Variants in MIA2 observed in about 807,000 individuals in gnomAD.
MIA2 encodes the protein MIA SH3 domain ER export factor 2.
In MIA2, 127 loss-of-function variants were observed where a neutral mutation model predicts 167.8. That is an observed-to-expected ratio of 0.76 (90% CI 0.66 to 0.88). The LOEUF is 0.88. MIA2 is among the 40% of genes least tolerant of loss of function. The pLI is 0.00. For missense variants in MIA2, 1,690 were observed against 1,624.7 expected, an observed-to-expected ratio of 1.04 and a Z score of -0.69; for synonymous variants, 552 against 541.9, an observed-to-expected ratio of 1.02 and a Z score of -0.26.
chr14:39,296,949 G>A (rs2061510958), intron 13 of MIA2, among the ~76,000 whole-genome samples: 6 of 149,182 alleles, frequency 4.0e-5, no homozygotes, highest in Admixed American at 4.0e-4. Context: ...CTAATTTTTT[G>A]TATTTTTAAT....
chr14:39,363,071 A>G (rs2104531), intron 23 of MIA2, among the ~76,000 whole-genome samples: 47,237 of 151,990 alleles, frequency 0.31, 7,864 homozygotes, highest in East Asian at 0.51. Flanking sequence ...TTGTGTTCTG[A>G]TAAGATATTT....
At chr14:39,304,897 G>C (rs2063090129) in intron 17 of MIA2, among the ~76,000 whole-genome samples, 1 of 152,076 alleles carries the variant, frequency 6.6e-6, no homozygotes, top group Non-Finnish European at 1.5e-5. Flanking sequence ...TTTTCAAAAA[G>C]TAAACAAGTT....
At position 39,304,294 on chromosome 14, in the gene MIA2, A is replaced by C. The variant is rs1363936457; in HGVS notation, c.2791A>C (p.Asn931His). 1 of 1,428,426 alleles carries C rather than the reference A, an allele frequency of 7.0e-7. No homozygotes were observed. The highest frequency in any genetic ancestry group is 1.4e-5 in the African/African-American group (1 of 69,286). 88.5% of individuals were successfully genotyped at this position (1,428,426 alleles called of 1,614,324 possible). ...LKKLIHAAKL[N>H]ASLKTLEGER... ...TTCCTTCTTCCCTTCTTTAAAGTTA[A>C]ATGCTTCTTTAAAAACCTTAGAAGG... Residue 931 changes from asparagine to histidine, a missense_variant, in exon 17 of 29, where the codon AAT becomes CAT. Physicochemically the swap from Asn to His is moderately conservative, Grantham distance 68. Coordinates refer to ENST00000640607, the MANE Select transcript of MIA2 (RefSeq NM_001329214.4).
intron 3 of MIA2, among the ~76,000 whole-genome samples, chr14:39,241,358 C>A (rs1450510680): frequency 6.6e-6 from 1 of 152,176 alleles, no homozygotes; most frequent in Non-Finnish European, 1.5e-5. Context: ...CTGGCTCTTT[C>A]CCATCACAAA....
intron 20 of MIA2, chr14:39,315,348 C>A (rs970850273): frequency 5.1e-6 from 1 of 194,382 alleles, no homozygotes; most frequent in Non-Finnish European, 1.0e-5. Flanking sequence ...GTATCTCCTG[C>A]TGCTTTGGGA....
chr14:39,313,473 G>A, intron 19 of MIA2, 32 bp downstream of exon 19: 1 of 1,245,016 alleles, frequency 8.0e-7, no homozygotes, highest in Non-Finnish European at 1.1e-6. Flanking sequence ...TTTCTTTTTT[G>A]GAATGGGAAG....
chr14:39,250,435 C>G (rs1413835227), intron 4 of MIA2, among the ~76,000 whole-genome samples: 1 of 151,850 alleles, frequency 6.6e-6, no homozygotes, highest in African/African-American at 2.4e-5. Flanking sequence ...GTGGCTCATG[C>G]CTGTAATCCT....
At chr14:39,307,647 C>G (rs527977723) in intron 17 of MIA2, among the ~76,000 whole-genome samples, 4 of 151,908 alleles carry the variant, frequency 2.6e-5, no homozygotes, top group Middle Eastern at 3.2e-3. Context: ...TGATCCACCC[C>G]CTTCGGCCTT....
At chr14:39,267,464 A>G in intron 6 of MIA2, 1 of 1,612,238 alleles carries the variant, frequency 6.2e-7, no homozygotes, top group South Asian at 1.1e-5. Context: ...GGCGCTATGG[A>G]GGAGCCCGGG....
intron 23 of MIA2, among the ~76,000 whole-genome samples, chr14:39,370,111 T>C (rs969226087): frequency 1.3e-5 from 2 of 152,254 alleles, no homozygotes; most frequent in Non-Finnish European, 2.9e-5. Flanking sequence ...AGTGAAGTGG[T>C]TGCAGTTTTC....
chr14:39,369,931 AC>A (rs1374687256), intron 23 of MIA2, among the ~76,000 whole-genome samples: 30 of 152,374 alleles, frequency 2.0e-4, no homozygotes, highest in African/African-American at 7.2e-4. Context: ...AATAGAAGTT[AC>A]ACAAAATTGG....
chr14:39,319,205 G>A lies in MIA2; in HGVS notation c.3285-4G>A, dbSNP rs2152962160. On this transcript the variant is annotated splice_region_variant and splice_polypyrimidine_tract_variant and intron_variant, in intron 22 of 28. Transcript: ENST00000640607. Reference sequence around the variant, plus strand: ...ACTTAGAGATGTTTGTTCTTTATTTGCAGATTAACTGAAACAGAGCTTAAA... The same window carrying A: ...ACTTAGAGATGTTTGTTCTTTATTTACAGATTAACTGAAACAGAGCTTAAA... 1 of 1,521,530 alleles carries A rather than the reference G, an allele frequency of 6.6e-7. No individual in the cohort carries two copies. The highest frequency in any genetic ancestry group is 1.3e-5 in the South Asian group (1 of 77,670). The allele number at this position is 1,521,530 out of a possible 1,614,324, so 94.3% of individuals were successfully genotyped here. A position where few individuals can be genotyped will look rare whatever the true frequency, so the allele number is the denominator to read the frequency against.
At chr14:39,285,107 T>C (rs2059434886) in intron 9 of MIA2, among the ~76,000 whole-genome samples, 1 of 152,208 alleles carries the variant, frequency 6.6e-6, no homozygotes. Context: ...GGCAGAAGAA[T>C]TTTTCTTAGT....
chr14:39,246,593 G>T (rs1311147347), intron 3 of MIA2, among the ~76,000 whole-genome samples: 1 of 152,146 alleles, frequency 6.6e-6, no homozygotes, highest in Non-Finnish European at 1.5e-5. Flanking sequence ...ACAGCTACTT[G>T]GGAGGCTGAG....
intron 25 of MIA2, among the ~76,000 whole-genome samples, chr14:39,341,238 C>T (rs2071757622): frequency 6.6e-6 from 1 of 151,844 alleles, no homozygotes. Flanking sequence ...GGAGGGAGAG[C>T]TTACAGTGAG....
At position 39,321,082 on chromosome 14, in the gene MIA2, C is replaced by G. The variant is rs376070042; in HGVS notation, c.3496+26C>G. ...GTATATTGTTTAAACATCTTTATTA[C>G]TCTAGATTTCTTCCTTACTTTATAT... On this transcript the variant is annotated intron_variant, in intron 24 of 28. Transcript: ENST00000640607. 8.2e-6 allele frequency: 13 copies of G among 1,583,890 alleles called. No individual in the cohort carries two copies. The South Asian group carries it at 1.0e-4, about 13-fold the overall frequency.
At chr14:39,288,470 T>TTTTGTTTG in intron 9 of MIA2, among the ~76,000 whole-genome samples, 1 of 41,626 alleles carries the variant, frequency 2.4e-5, no homozygotes, top group African/African-American at 1.5e-4. Flanking sequence ...TATATATATA[T>TTTTGTTTG]ATATATTTTT....
chr14:39,320,452 TC>T (rs528450448), intron 23 of MIA2, among the ~76,000 whole-genome samples: 94 of 152,180 alleles, frequency 6.2e-4, no homozygotes, highest in Non-Finnish European at 2.6e-4. Flanking sequence ...TATGCATTTT[TC>T]TCCTCTTCAT....
intron 24 of MIA2, among the ~76,000 whole-genome samples, chr14:39,322,988 A>G (rs1009366177): frequency 1.3e-5 from 2 of 152,238 alleles, no homozygotes; most frequent in African/African-American, 4.8e-5. Flanking sequence ...CCAACAAATC[A>G]AAGTTCATAT....
Sources: allele counts gnomAD v4.1 joint callset (sites outside exome capture counted in the v4.1 genomes callset), GRCh38; gene constraint gnomAD v4.1.1; transcripts MANE v1.5; gene names NCBI Gene and HGNC (gene_info 2026-07-23, HGNC 2026-07-21).